Variants in WDR70 observed in about 807,000 individuals in gnomAD.
The protein encoded by WDR70 is WD repeat-containing protein 70.
A neutral mutation model predicts 88.6 loss-of-function variants in WDR70; 53 were observed. The observed-to-expected ratio is 0.60, with a 90% CI of 0.48 to 0.75. The LOEUF is 0.75. WDR70 is among the 30% of genes least tolerant of loss of function. WDR70 has a pLI of 0.00. For synonymous variants in WDR70, 280 were observed against 270.0 expected (o/e 1.04, Z -0.36); for missense variants, 610 against 823.2 (o/e 0.74, Z 3.17).
At chr5:37,702,885 C>T in intron 12 of WDR70, 64 bp from the exon 13 acceptor site, 2 of 1,493,960 alleles carry the variant, frequency 1.3e-6, no homozygotes, top group East Asian at 2.3e-5. Context: ...ATTTAATTCA[C>T]TAATGATTGC....
Position 37,752,463 on chromosome 5 carries a change from C to G in WDR70, c.1878-23C>G, listed in dbSNP as rs773553428. ...ATACTTTCTGACTAAATTTTTCCTT[C>G]TCTTCTTTAACTTTTCTTTTAGGAC... On this transcript the variant is annotated intron_variant, in intron 17 of 17. Transcript: ENST00000265107. The G allele has an allele frequency of 6.3e-6, 10 of 1,582,722 alleles. No homozygotes were observed. The East Asian group carries it at 1.8e-4, about 28-fold the overall frequency.
chr5:37,506,832 G>C (rs1414455688), intron 8 of WDR70: 7 of 1,292,696 alleles, frequency 5.4e-6, no homozygotes, highest in Admixed American at 1.7e-5. Flanking sequence ...GGGGGCTGCT[G>C]TTCAGGAACA....
chr5:37,658,767 G>C (rs939240376), intron 10 of WDR70, among the ~76,000 whole-genome samples: 1 of 152,012 alleles, frequency 6.6e-6, no homozygotes, highest in African/African-American at 2.4e-5. Flanking sequence ...ACCCCAAAAT[G>C]GTCAAAAGTC....
In WDR70 at chr5:37,400,427, A is replaced by G. The variant is rs549833976; in HGVS notation, c.492+3857A>G. Among the ~76,000 whole-genome samples, 6 of 152,304 alleles carry G rather than the reference A, an allele frequency of 3.9e-5. No individual in the cohort carries two copies. The South Asian group carries it at 1.2e-3, about 32-fold the overall frequency. ...TTTGCTTGATTTTATCATTGTTTTT[A>G]AGTTCTCTACAGAAAAGTGTACTCT... is the stretch of plus-strand genomic sequence containing the variant. On this transcript the variant is annotated intron_variant, in intron 5 of 17. Transcript: ENST00000265107.
At chr5:37,745,411 T>G in intron 17 of WDR70, among the ~76,000 whole-genome samples, 1 of 151,314 alleles carries the variant, frequency 6.6e-6, no homozygotes. Flanking sequence ...AGGATTGAAT[T>G]CACACATAAC....
intron 17 of WDR70, among the ~76,000 whole-genome samples, chr5:37,736,331 A>T (rs759400445): frequency 2.5e-4 from 38 of 152,134 alleles, no homozygotes; most frequent in Non-Finnish European, 5.3e-4. Context: ...TGGATATATG[A>T]ATATGTGTGT....
At position 37,396,495 on chromosome 5, in the gene WDR70, CG is replaced by C; in HGVS notation, c.419del (p.Gly140ValfsTer37). On this transcript the variant is annotated frameshift_variant, in exon 5 of 18. Transcript: ENST00000265107. LOFTEE classifies it high-confidence loss of function. Reference sequence around the variant, plus strand: ...TTAATTTTATGGAGGAAGATATCCTCGGTCCTTTACCTCCACCTCTTAATGA... The same window carrying C: ...TTAATTTTATGGAGGAAGATATCCTCGTCCTTTACCTCCACCTCTTAATGA... ...PVNFMEEDIL[G>X]PLPPPLNEEE... 3 of 1,613,922 alleles carry C rather than the reference CG, an allele frequency of 1.9e-6. No homozygotes were observed. Among genetic ancestry groups the C allele is most frequent in the Non-Finnish European group, 2.5e-6 (3 of 1,180,014 alleles).
At chr5:37,699,576 G>A (rs899957053) in intron 11 of WDR70, among the ~76,000 whole-genome samples, 7 of 152,056 alleles carry the variant, frequency 4.6e-5, no homozygotes, top group African/African-American at 9.7e-5. Context: ...TGCATAACCC[G>A]CTGGATTAGA....
chr5:37,627,495 T>C (rs1744701607), intron 10 of WDR70, among the ~76,000 whole-genome samples: 1 of 152,284 alleles, frequency 6.6e-6, no homozygotes, highest in East Asian at 1.9e-4. Context: ...CTTCATTTTC[T>C]AGTTCTTTGA....
chr5:37,745,054 A>G lies in WDR70; in HGVS notation c.1878-7432A>G, dbSNP rs532842841. On this transcript the variant is annotated intron_variant, in intron 17 of 17. Transcript: ENST00000265107. ...CCAGGTCACCTACAAAGGGAAGCCC[A>G]TCAGACCAACAGCAGACTTCTCAGC... Among the ~76,000 whole-genome samples, 143 of 152,348 alleles carry G rather than the reference A, an allele frequency of 9.4e-4. 1 individual carries two copies. The highest frequency in any genetic ancestry group is 7.8e-3 in the Admixed American group (119 of 15,304).
At chr5:37,591,544 G>A (rs1364953092) in intron 9 of WDR70, among the ~76,000 whole-genome samples, 2 of 152,164 alleles carry the variant, frequency 1.3e-5, no homozygotes, top group African/African-American at 2.4e-5. Flanking sequence ...GTAAAAGACT[G>A]GATGTGTAAT....
intron 9 of WDR70, among the ~76,000 whole-genome samples, chr5:37,517,774 A>G (rs568635495): frequency 4.6e-5 from 7 of 151,298 alleles, no homozygotes; most frequent in Non-Finnish European, 1.0e-4. Flanking sequence ...CACATCATGT[A>G]AAATGGGTAT....
At chr5:37,732,882 G>C (rs1332782276) in intron 17 of WDR70, among the ~76,000 whole-genome samples, 1 of 151,818 alleles carries the variant, frequency 6.6e-6, no homozygotes, top group Non-Finnish European at 1.5e-5. Flanking sequence ...TGCACTTTTG[G>C]GGTTTTATTT....
intron 5 of WDR70, 101 bp from the exon 6 acceptor site, chr5:37,437,821 T>G (rs1750517222): frequency 1.7e-6 from 2 of 1,153,508 alleles, no homozygotes; most frequent in African/African-American, 3.1e-5. Context: ...TAAAAACCAA[T>G]GATGCAATTT....
At chr5:37,398,437 T>G (rs1017701397) in intron 5 of WDR70, among the ~76,000 whole-genome samples, 1 of 152,214 alleles carries the variant, frequency 6.6e-6, no homozygotes, top group Non-Finnish European at 1.5e-5. Context: ...TGATGAATTA[T>G]TTTTAGTAAT....
At chr5:37,667,163 G>A (rs950693092) in intron 10 of WDR70, among the ~76,000 whole-genome samples, 1 of 152,022 alleles carries the variant, frequency 6.6e-6, no homozygotes, top group South Asian at 2.1e-4. Context: ...CAAAAAGAAT[G>A]CATTATATAA....
chr5:37,484,895 A>C (rs1739808552), intron 8 of WDR70, among the ~76,000 whole-genome samples: 1 of 152,150 alleles, frequency 6.6e-6, no homozygotes, highest in African/African-American at 2.4e-5. Flanking sequence ...AGTACATTTT[A>C]AGCCATTGCT....
At chr5:37,499,479 T>G (rs985469353) in intron 8 of WDR70, among the ~76,000 whole-genome samples, 2 of 151,970 alleles carry the variant, frequency 1.3e-5, no homozygotes, top group African/African-American at 4.8e-5. Context: ...CTGCTCAGAT[T>G]GGGGAAGAGA....
intron 10 of WDR70, among the ~76,000 whole-genome samples, chr5:37,641,148 C>G (rs1007934196): frequency 6.6e-6 from 1 of 152,222 alleles, no homozygotes; most frequent in Admixed American, 6.5e-5. Flanking sequence ...TTCACTCTGT[C>G]ACCCAGGCTG....
Sources: allele counts gnomAD v4.1 joint callset (sites outside exome capture counted in the v4.1 genomes callset), GRCh38; gene constraint gnomAD v4.1.1; transcripts MANE v1.5; gene names NCBI Gene and HGNC (gene_info 2026-07-23, HGNC 2026-07-21).